Variants in GALNT1 observed in about 807,000 individuals in gnomAD.
GALNT1 encodes the protein polypeptide N-acetylgalactosaminyltransferase 1.
In GALNT1, 17 loss-of-function variants were observed where a neutral mutation model predicts 65.7. The observed-to-expected ratio is 0.26, with a 90% CI of 0.18 to 0.39. The LOEUF (loss-of-function observed/expected upper bound fraction) is 0.39, where lower values mean the gene tolerates loss of function less well. GALNT1 is among the 10% of genes least tolerant of loss of function. The pLI is 1.00. For synonymous variants in GALNT1, 210 were observed against 219.7 expected (o/e 0.96, Z 0.39); for missense variants, 460 against 672.8 (o/e 0.68, Z 3.50).
intron 1 of GALNT1, among the ~76,000 whole-genome samples, chr18:35,639,544 A>G (rs886176460): frequency 4.6e-5 from 7 of 152,222 alleles, no homozygotes; most frequent in African/African-American, 7.2e-5. Context: ...CACCTGCAGT[A>G]TCTCTGAGGT....
In GALNT1 at chr18:35,589,705, T is replaced by C. The variant is rs186520988; in HGVS notation, c.-104+7843T>C. 9.8e-5 allele frequency among the ~76,000 whole-genome samples: 15 copies of C among 152,304 alleles called. No homozygotes were observed. The East Asian group carries it at 2.9e-3, about 29-fold the overall frequency. ...TAATGTTCAGAGTTTTCAGTTGTGC[T>C]TAGTGGGAGGAATAGGGAAAATACA... On this transcript the variant is annotated intron_variant, in intron 1 of 11. Coordinates refer to ENST00000269195, the MANE Select transcript of GALNT1 (RefSeq NM_020474.4).
intron 4 of GALNT1, among the ~76,000 whole-genome samples, chr18:35,681,362 C>T (rs1016034469): frequency 2.6e-5 from 4 of 151,970 alleles, no homozygotes; most frequent in Non-Finnish European, 4.4e-5. Flanking sequence ...AATTCTGTAT[C>T]GACTGAAAAG....
chr18:35,643,942 T>C lies in GALNT1; in HGVS notation c.-103-10618T>C, dbSNP rs184100020. 3.3e-5 allele frequency among the ~76,000 whole-genome samples: 5 copies of C among 152,362 alleles called. No homozygotes were observed. In the East Asian group the frequency reaches 9.6e-4, roughly 29 times the overall value. On this transcript the variant is annotated intron_variant, in intron 1 of 11. Coordinates refer to ENST00000269195, the MANE Select transcript of GALNT1 (RefSeq NM_020474.4). ...TTTGCCAGGTTCTTTGTTTTGAACATACATTACTTTACAAACAGGAAAAAT... is the reference window on the plus strand; with the variant it reads ...TTTGCCAGGTTCTTTGTTTTGAACACACATTACTTTACAAACAGGAAAAAT...
At chr18:35,587,314 T>A (rs1487234753) in intron 1 of GALNT1, among the ~76,000 whole-genome samples, 1 of 152,226 alleles carries the variant, frequency 6.6e-6, no homozygotes, top group African/African-American at 2.4e-5. Context: ...AATTTTATTC[T>A]TTTCCTTTTT....
chr18:35,668,918 A>G (rs962456813), intron 3 of GALNT1, among the ~76,000 whole-genome samples: 8 of 152,230 alleles, frequency 5.3e-5, no homozygotes, highest in African/African-American at 1.9e-4. Context: ...TATAAGTTCT[A>G]TAGCTATTAA....
chr18:35,696,960 A>C (rs1449535890), intron 9 of GALNT1, among the ~76,000 whole-genome samples: 1 of 152,244 alleles, frequency 6.6e-6, no homozygotes, highest in Non-Finnish European at 1.5e-5. Context: ...GGAGACTAAT[A>C]GTAGAAACAA....
intron 3 of GALNT1, among the ~76,000 whole-genome samples, chr18:35,675,271 G>C (rs2047694863): frequency 6.6e-6 from 1 of 152,086 alleles, no homozygotes; most frequent in African/African-American, 2.4e-5. Flanking sequence ...GTTTGTGTGT[G>C]TTTGTACCTG....
chr18:35,688,466 T>TAAATCTTCCTTCATTTCTTAA lies in GALNT1; in HGVS notation c.861-706_861-686dup, dbSNP rs1440343209. ...TCAAATGGGCTGATATTCATTTATT[T>TAAATCTTCCTTCATTTCTTAA]AAATCTTCCTTCATTTCTTAATAAT... is the stretch of plus-strand genomic sequence containing the variant. On this transcript the variant is annotated intron_variant, in intron 6 of 11. Coordinates refer to ENST00000269195, the MANE Select transcript of GALNT1 (RefSeq NM_020474.4). Among the ~76,000 whole-genome samples the TAAATCTTCCTTCATTTCTTAA allele has an allele frequency of 2.6e-5, 4 of 152,322 alleles. No homozygotes were observed. The East Asian group carries it at 7.7e-4, about 29-fold the overall frequency.
intron 1 of GALNT1, among the ~76,000 whole-genome samples, chr18:35,619,830 AAC>A (rs2046829423): frequency 1.3e-5 from 2 of 152,220 alleles, no homozygotes; most frequent in Non-Finnish European, 2.9e-5. Context: ...GTTTGTGGGT[AAC>A]ATTTGAGAAT....
At chr18:35,602,035 T>A (rs932183837) in intron 1 of GALNT1, among the ~76,000 whole-genome samples, 1 of 152,224 alleles carries the variant, frequency 6.6e-6, no homozygotes, top group Non-Finnish European at 1.5e-5. Context: ...AGAACTCCCT[T>A]TAGCATTTGT....
chr18:35,601,247 C>G lies in GALNT1; in HGVS notation c.-104+19385C>G, dbSNP rs2046578006. Among the ~76,000 whole-genome samples the G allele has an allele frequency of 2.0e-5, 3 of 151,966 alleles. No individual in the cohort carries two copies. In the South Asian group the frequency reaches 6.2e-4, roughly 31 times the overall value. On this transcript the variant is annotated intron_variant, in intron 1 of 11. Transcript: ENST00000269195. ...TTTTTGGTGTATAGTTCTTAATAGT[C>G]TCCAATGATCCTCTGTATTTCTATG...
intron 1 of GALNT1, among the ~76,000 whole-genome samples, chr18:35,643,501 C>T (rs146992301): frequency 0.013 from 1,958 of 152,250 alleles, 44 homozygotes; most frequent in African/African-American, 0.045. Context: ...CGGTGGCTCA[C>T]GCCTGTAATC....
intron 3 of GALNT1, among the ~76,000 whole-genome samples, chr18:35,666,943 TTAA>T (rs78449366): frequency 2.0e-5 from 3 of 151,730 alleles, no homozygotes; most frequent in African/African-American, 7.3e-5. Flanking sequence ...ATAACCTTTT[TTAA>T]AAAAAAAAAG....
At chr18:35,610,059 G>C (rs1156728672) in intron 1 of GALNT1, among the ~76,000 whole-genome samples, 2 of 152,160 alleles carry the variant, frequency 1.3e-5, no homozygotes, top group Non-Finnish European at 2.9e-5. Flanking sequence ...AAATTTCAAG[G>C]AATAGAACAG....
rs760952895 is a variant in GALNT1 at position 35,703,000 on chromosome 18, GTA to G, written c.1398+7_1398+8del. 1 of 1,556,090 alleles carries G rather than the reference GTA, an allele frequency of 6.4e-7. No individual in the cohort carries two copies. ...CATGGTATGGGGGGTAATCAGGTGA[GTA>G]TCTTAGAAAACTCTTAAAAGGGATA... On this transcript the variant is annotated splice_donor_region_variant and intron_variant, in intron 10 of 11. Transcript: ENST00000269195.
At chr18:35,588,348 C>T (rs2046401695) in intron 1 of GALNT1, among the ~76,000 whole-genome samples, 1 of 152,160 alleles carries the variant, frequency 6.6e-6, no homozygotes, top group Non-Finnish European at 1.5e-5. Flanking sequence ...TTTTCTCTCA[C>T]TGTTCTCAGG....
intron 1 of GALNT1, among the ~76,000 whole-genome samples, chr18:35,617,131 A>G (rs1360299861): frequency 1.3e-5 from 2 of 152,044 alleles, no homozygotes; most frequent in African/African-American, 4.8e-5. Context: ...GTCTGTGGCT[A>G]CTGTTCTCTA....
rs568731796 is a variant in GALNT1, at chr18:35,622,011, C to T, written c.-103-32549C>T. Among the ~76,000 whole-genome samples the T allele has an allele frequency of 2.6e-5, 4 of 152,124 alleles. No individual in the cohort carries two copies. In the East Asian group the frequency reaches 7.7e-4, roughly 29 times the overall value. The stretch of plus-strand genomic sequence containing the variant: ...TATATGGTAGACAGAGTTCTCTGAC[C>T]TTGTTGTTTAAAATTGTAATGGCTT... On this transcript the variant is annotated intron_variant, in intron 1 of 11. Coordinates refer to ENST00000269195, the MANE Select transcript of GALNT1 (RefSeq NM_020474.4).
rs1048705467 is a variant in GALNT1 at position 35,605,282 on chromosome 18, G to A, written c.-104+23420G>A. On this transcript the variant is annotated intron_variant, in intron 1 of 11. Transcript: ENST00000269195. Reference sequence around the variant, plus strand: ...CCAGCACCTTGGGAGGCCGAGACAGGTGGATTGGAATTCAAGACCAGCCTG... The same window carrying A: ...CCAGCACCTTGGGAGGCCGAGACAGATGGATTGGAATTCAAGACCAGCCTG... Among the ~76,000 whole-genome samples, 143 of 152,210 alleles carry A rather than the reference G, an allele frequency of 9.4e-4. 1 individual carries two copies. The highest frequency in any genetic ancestry group is 3.0e-3 in the African/African-American group (124 of 41,546).
Sources: gnomAD v4.1 joint callset for allele counts (sites outside exome capture counted in the v4.1 genomes callset) on GRCh38, gnomAD v4.1.1 for gene constraint, MANE v1.5 for transcripts, NCBI Gene and HGNC (gene_info 2026-07-23, HGNC 2026-07-21) for gene names.